The following RFX4 variants were observed in gnomAD, a reference collection of about 807,000 sequenced individuals.
RFX4 encodes the protein transcription factor RFX4.
In RFX4, 10 loss-of-function variants were observed where a neutral mutation model predicts 95.0. The ratio of observed to expected loss-of-function variants is 0.11; its 90% confidence interval spans 0.06 to 0.18. The LOEUF is 0.18. RFX4 is among the 10% of genes least tolerant of loss of function. RFX4 has a pLI of 1.00. For synonymous variants in RFX4, 321 were observed against 340.7 expected, an observed-to-expected ratio of 0.94 and a Z score of 0.64; for missense variants, 640 against 922.0, an observed-to-expected ratio of 0.69 and a Z score of 3.96.
intron 1 of RFX4, among the ~76,000 whole-genome samples, chr12:106,598,465 C>A (rs1305389492): frequency 6.6e-6 from 1 of 152,068 alleles, no homozygotes; most frequent in Non-Finnish European, 1.5e-5. Context: ...TTGCGACCAA[C>A]ACACACAAAA....
At chr12:106,705,743 A>G (rs2042071998) in intron 8 of RFX4, among the ~76,000 whole-genome samples, 1 of 152,186 alleles carries the variant, frequency 6.6e-6, no homozygotes, top group Middle Eastern at 3.4e-3. Context: ...GCAGCCAGAG[A>G]TAAGGAGGGT....
At chr12:106,712,743 C>G (rs2042216196) in intron 10 of RFX4, among the ~76,000 whole-genome samples, 3 of 151,664 alleles carry the variant, frequency 2.0e-5, no homozygotes, top group Admixed American at 2.0e-4. Flanking sequence ...CAGAGCCTGA[C>G]AGATTAATGG....
intron 3 of RFX4, among the ~76,000 whole-genome samples, 191 bp downstream of exon 3, chr12:106,639,583 T>G (rs150402959): frequency 1.7e-4 from 26 of 152,322 alleles, no homozygotes; most frequent in Non-Finnish European, 3.1e-4. Flanking sequence ...ATTGGAATTT[T>G]TGTATTTTAT....
intron 5 of RFX4, chr12:106,682,655 A>G (rs934649620): frequency 3.9e-5 from 6 of 152,360 alleles, no homozygotes; most frequent in African/African-American, 7.2e-5. Flanking sequence ...TGGGAAACAG[A>G]CAAAACAGAG....
At chr12:106,690,983 C>G (rs2041768651) in intron 7 of RFX4, among the ~76,000 whole-genome samples, 1 of 152,120 alleles carries the variant, frequency 6.6e-6, no homozygotes. Flanking sequence ...GTCCCATACA[C>G]TATTGGAGAG....
chr12:106,650,518 A>G (rs1162495128), intron 3 of RFX4, among the ~76,000 whole-genome samples: 1 of 152,188 alleles, frequency 6.6e-6, no homozygotes, highest in Non-Finnish European at 1.5e-5. Context: ...GGATCACTTG[A>G]GGTCAGGAGT....
chr12:106,711,479 A>G lies in RFX4; in HGVS notation c.961A>G (p.Arg321Gly), dbSNP rs2042190183. Residue 321 changes from arginine to glycine, a missense_variant, in exon 10 of 18, where the codon AGA becomes GGA. Physicochemically the swap from Arg to Gly is moderately radical, Grantham distance 125 (BLOSUM62 -2). This residue lies in a region of RFX4 where 96 missense variants were observed against 183.7 expected (regional missense o/e 0.52). Transcript: ENST00000392842. ...ELSRRFSQIL[R>G]RQTSLNHLCQ... ...GTCGAGAAGGTTCTCCCAAATTCTG[A>G]GACGGCAAACATCACTAAATCATCT... The G allele has an allele frequency of 6.2e-7, 1 of 1,614,018 alleles. No individual in the cohort carries two copies. Among genetic ancestry groups the G allele is most frequent in the African/African-American group, 1.3e-5 (1 of 74,942 alleles).
intron 1 of RFX4, among the ~76,000 whole-genome samples, chr12:106,594,547 G>A (rs2039588086): frequency 6.6e-6 from 1 of 152,194 alleles, no homozygotes; most frequent in Admixed American, 6.5e-5. Flanking sequence ...GGGTGCCCAG[G>A]CTGCGGGGCA....
At chr12:106,608,751 TTTTTTC>T in intron 1 of RFX4, 40 bp from the exon 2 acceptor site, 1 of 1,537,930 alleles carries the variant, frequency 6.5e-7, no homozygotes, top group Non-Finnish European at 8.7e-7. Flanking sequence ...TGTGATTTTC[TTTTTTC>T]TTTTTCTTTT....
intron 4 of RFX4, among the ~76,000 whole-genome samples, chr12:106,656,761 C>T (rs1413822203): frequency 6.6e-6 from 1 of 152,124 alleles, no homozygotes; most frequent in Non-Finnish European, 1.5e-5. Flanking sequence ...TCTTTGGTTT[C>T]TGCTGACATC....
In RFX4 at chr12:106,647,173, T is replaced by C. The variant is rs117472484; in HGVS notation, c.192-7055T>C. 2.9e-3 allele frequency among the ~76,000 whole-genome samples: 448 copies of C among 152,336 alleles called. 2 individuals are homozygous for C. The highest frequency in any genetic ancestry group is 4.5e-3 in the Non-Finnish European group (303 of 68,030). On this transcript the variant is annotated intron_variant, in intron 3 of 17. Coordinates refer to ENST00000392842, the MANE Select transcript of RFX4 (RefSeq NM_213594.3). ...AGAGTAGCATCTTCTTGTTCATGGC[T>C]GTATTCTACAGTGCCTGGCATATAG...
In RFX4 at chr12:106,707,551, G is replaced by A. The variant is rs983401719; in HGVS notation, c.834-1779G>A. 6.6e-5 allele frequency among the ~76,000 whole-genome samples: 10 copies of A among 152,200 alleles called. No homozygotes were observed. The East Asian group carries it at 1.4e-3, about 21-fold the overall frequency. On this transcript the variant is annotated intron_variant, in intron 8 of 17. Transcript: ENST00000392842. ...AAGTGAGTGTTTCCAAAAGGAGGGC[G>A]CAGGTGACAGAATCGAATGCTGCCA...
chr12:106,634,102 TC>T (rs2040467665), intron 2 of RFX4, among the ~76,000 whole-genome samples: 1 of 152,224 alleles, frequency 6.6e-6, no homozygotes, highest in Non-Finnish European at 1.5e-5. Context: ...TAACAGTTGT[TC>T]CCTCTGTTGA....
At chr12:106,624,646 T>G (rs2040254245) in intron 2 of RFX4, among the ~76,000 whole-genome samples, 1 of 152,040 alleles carries the variant, frequency 6.6e-6, no homozygotes, top group African/African-American at 2.4e-5. Context: ...GTTTCATTTT[T>G]AAAGAGTGTT....
At chr12:106,655,550 G>A (rs1001659060) in intron 4 of RFX4, among the ~76,000 whole-genome samples, 1 of 152,222 alleles carries the variant, frequency 6.6e-6, no homozygotes, top group African/African-American at 2.4e-5. Flanking sequence ...CAAGGTGGAT[G>A]TGTATGCTAC....
chr12:106,616,641 T>TAAC (rs2040079650), intron 2 of RFX4, among the ~76,000 whole-genome samples: 3 of 152,196 alleles, frequency 2.0e-5, no homozygotes, highest in Non-Finnish European at 1.5e-5. Context: ...TAAATAGTTA[T>TAAC]TGGATTATTT....
chr12:106,675,994 G>A (rs2041385405), intron 4 of RFX4, among the ~76,000 whole-genome samples: 1 of 152,156 alleles, frequency 6.6e-6, no homozygotes, highest in South Asian at 2.1e-4. Flanking sequence ...GGGCATGACG[G>A]GAAGCAGGGC....
chr12:106,597,993 TCTATGTG>T (rs1418671525), intron 1 of RFX4, among the ~76,000 whole-genome samples: 3 of 152,332 alleles, frequency 2.0e-5, no homozygotes, highest in Non-Finnish European at 4.4e-5. Context: ...CAGGTAGTAT[TCTATGTG>T]CTTTCTGTGC....
intron 4 of RFX4, among the ~76,000 whole-genome samples, chr12:106,660,847 A>G (rs138158326): frequency 6.8e-4 from 104 of 152,206 alleles, no homozygotes; most frequent in Middle Eastern, 3.4e-3. Flanking sequence ...CTTGTGAGGG[A>G]TCTAGGTTGT....
Sources: allele counts gnomAD v4.1 joint callset (sites outside exome capture counted in the v4.1 genomes callset), GRCh38; gene constraint gnomAD v4.1.1; regional missense constraint gnomAD v4.1.1; transcripts MANE v1.5; gene names NCBI Gene and HGNC (gene_info 2026-07-23, HGNC 2026-07-21).